Variants in RUVBL1 observed in about 807,000 individuals in gnomAD.
The protein encoded by RUVBL1 is ruvB-like 1.
A neutral mutation model predicts 52.4 loss-of-function variants in RUVBL1; 4 were observed. The ratio of observed to expected loss-of-function variants is 0.08; its 90% CI spans 0.04 to 0.17. RUVBL1 has a LOEUF of 0.17. RUVBL1 is among the 10% of genes least tolerant of loss of function. The pLI is 1.00. For missense variants in RUVBL1, 298 were observed against 572.8 expected (o/e 0.52, Z 4.90); for synonymous variants, 217 against 214.4 (o/e 1.01, Z -0.10).
chr3:128,131,827 G>A (rs531122438), intron 1 of RUVBL1, among the ~76,000 whole-genome samples: 10 of 152,260 alleles, frequency 6.6e-5, no homozygotes, highest in South Asian at 6.2e-4. Context: ...AGAGGGAGGC[G>A]GAGCAAGATG....
rs72986268 is a variant in RUVBL1 at position 128,113,571 on chromosome 3, G to C, written c.229-551C>G. On this transcript the variant is annotated intron_variant, in intron 2 of 10. Transcript: ENST00000322623. ...CTCCTGTTACTTTAAATCATCTCTAGATTACATACAATACCTAATATAAAT... is the reference window on the plus strand; with the variant it reads ...CTCCTGTTACTTTAAATCATCTCTACATTACATACAATACCTAATATAAAT... Among the ~76,000 whole-genome samples the C allele has an allele frequency of 8.7e-4, 133 of 152,224 alleles. 1 individual carries two copies. The highest frequency in any genetic ancestry group is 3.1e-3 in the African/African-American group (129 of 41,550).
downstream of RUVBL1, chr3:128,079,119 C>T (rs895536576): frequency 6.6e-6 from 1 of 152,346 alleles, no homozygotes; most frequent in East Asian, 1.9e-4. Flanking sequence ...AGCGCCACTT[C>T]CATCTTGCTC....
chr3:128,100,940 G>A (rs537488669), intron 5 of RUVBL1, among the ~76,000 whole-genome samples, 196 bp from the exon 6 acceptor site: 1 of 152,330 alleles, frequency 6.6e-6, no homozygotes, highest in South Asian at 2.1e-4. Context: ...CAAAAACTGG[G>A]TTGAAAAACA....
At chr3:128,147,839 C>A (rs1944127043) in intron 1 of RUVBL1, among the ~76,000 whole-genome samples, 1 of 152,178 alleles carries the variant, frequency 6.6e-6, no homozygotes, top group East Asian at 1.9e-4. Flanking sequence ...CTGGAAACAA[C>A]CCAAATGCCC....
At chr3:128,065,585 A>T (rs1941945212) in intron 9 of RUVBL1, among the ~76,000 whole-genome samples, 2 of 152,202 alleles carry the variant, frequency 1.3e-5, no homozygotes, top group Non-Finnish European at 2.9e-5. Context: ...AGGGACAGAG[A>T]TGAAAGGCAG....
At chr3:128,086,663 C>CT (rs1465035799) in intron 9 of RUVBL1, among the ~76,000 whole-genome samples, 2 of 152,230 alleles carry the variant, frequency 1.3e-5, no homozygotes, top group African/African-American at 4.8e-5. Flanking sequence ...GCATCCTGCA[C>CT]TTACAGCTCC....
chr3:128,075,550 C>T (rs1307642156), intron 9 of RUVBL1, among the ~76,000 whole-genome samples: 1 of 152,198 alleles, frequency 6.6e-6, no homozygotes, highest in Non-Finnish European at 1.5e-5. Flanking sequence ...GGACACACGC[C>T]TTCCTCCCTG....
At chr3:128,073,757 T>C (rs1297694301) in intron 9 of RUVBL1, among the ~76,000 whole-genome samples, 1 of 152,252 alleles carries the variant, frequency 6.6e-6, no homozygotes, top group Non-Finnish European at 1.5e-5. Flanking sequence ...GTCAAACCTG[T>C]GGGCCTTGTT....
intron 9 of RUVBL1, chr3:128,075,007 C>A (rs935573947): frequency 3.3e-5 from 5 of 152,190 alleles, no homozygotes; most frequent in Non-Finnish European, 5.9e-5. Flanking sequence ...GGGGGATGGG[C>A]AGTGCAGTGC....
intron 1 of RUVBL1, among the ~76,000 whole-genome samples, chr3:128,148,217 C>T (rs1344959260): frequency 6.6e-6 from 1 of 152,002 alleles, no homozygotes; most frequent in Non-Finnish European, 1.5e-5. Context: ...AGCCGTACAC[C>T]AACAAGGGTG....
rs541077038 is a variant in RUVBL1, at chr3:128,153,348, C to G, written c.-185G>C. Reference sequence around the variant, plus strand: ...GACCACCCACTCGGAGCACGGCGCTCGGCTGTGCCCGTGAGCCTCAGGAGG... The same window carrying G: ...GACCACCCACTCGGAGCACGGCGCTGGGCTGTGCCCGTGAGCCTCAGGAGG... On this transcript the variant is annotated 5_prime_UTR_variant, in exon 1 of 10. Transcript: ENST00000464873. 406 of 1,380,990 alleles carry G rather than the reference C, an allele frequency of 2.9e-4. 3 individuals carry two copies. In the East Asian group the frequency reaches 5.2e-3, roughly 18 times the overall value. The allele number at this position is 1,380,990 out of a possible 1,614,324, so 85.5% of individuals were successfully genotyped here. A position where few individuals can be genotyped will look rare whatever the true frequency, so the allele number is the denominator to read the frequency against.
At chr3:128,072,927 G>A (rs1396857216) in intron 9 of RUVBL1, among the ~76,000 whole-genome samples, 1 of 152,130 alleles carries the variant, frequency 6.6e-6, no homozygotes, top group Non-Finnish European at 1.5e-5. Flanking sequence ...GGGGGGTAAG[G>A]CTTACTCTGC....
intron 2 of RUVBL1, among the ~76,000 whole-genome samples, chr3:128,118,700 A>C (rs1165721231): frequency 2.0e-5 from 3 of 152,206 alleles, no homozygotes; most frequent in African/African-American, 7.2e-5. Flanking sequence ...CCAGCTCTGA[A>C]GGGAAAATGT....
chr3:128,096,743 T>C (rs546766821), intron 8 of RUVBL1, among the ~76,000 whole-genome samples: 26 of 151,762 alleles, frequency 1.7e-4, no homozygotes, highest in Admixed American at 1.2e-3. Flanking sequence ...AGGAGAATGG[T>C]GTGAACCCGG....
chr3:128,122,419 T>C (rs1943670772), intron 1 of RUVBL1, among the ~76,000 whole-genome samples: 1 of 152,192 alleles, frequency 6.6e-6, no homozygotes, highest in Non-Finnish European at 1.5e-5. Flanking sequence ...CTGAAAACTG[T>C]CATACTAAAG....
chr3:128,150,918 T>TTA (rs71873039), intron 1 of RUVBL1, among the ~76,000 whole-genome samples: 3 of 83,418 alleles, frequency 3.6e-5, no homozygotes, highest in Non-Finnish European at 6.3e-5. Flanking sequence ...ATATTCTATA[T>TTA]TATATATATA....
Position 128,082,806 on chromosome 3 carries a change from A to G in RUVBL1, c.1120-232T>C, listed in dbSNP as rs1576440183. Reference sequence around the variant, plus strand: ...AATAGCATCACGGCCAGTGTGCTGTATTCAACTGACTCAAGTGTGGCTGGT... The same window carrying G: ...AATAGCATCACGGCCAGTGTGCTGTGTTCAACTGACTCAAGTGTGGCTGGT... On this transcript the variant is annotated intron_variant, in intron 9 of 10. Transcript: ENST00000322623. The surrounding 1 kb of genome is among the most constrained non-coding windows in gnomAD (Gnocchi z 4.7). 6 of 418,136 alleles carry G rather than the reference A, an allele frequency of 1.4e-5. No individual in the cohort carries two copies. In the East Asian group the frequency reaches 3.0e-4, roughly 21 times the overall value. 25.9% of individuals were successfully genotyped at this position (418,136 alleles called of 1,614,324 possible).
At chr3:128,119,909 G>A (rs1310323646) in intron 1 of RUVBL1, among the ~76,000 whole-genome samples, 1 of 152,210 alleles carries the variant, frequency 6.6e-6, no homozygotes, top group Admixed American at 6.5e-5. Flanking sequence ...GAGGTAGACA[G>A]CGGCCAGAAC....
At chr3:128,065,197 A>G (rs760842474) in exon 10 of RUVBL1, 2 of 834,256 alleles carry the variant, frequency 2.4e-6, no homozygotes, top group Non-Finnish European at 2.0e-6. Context: ...GAGCTGGACA[A>G]GCATGTTCAT....
Sources: allele counts gnomAD v4.1 joint callset (sites outside exome capture counted in the v4.1 genomes callset), GRCh38; gene constraint gnomAD v4.1.1; non-coding constraint Gnocchi (gnomAD v3.1); transcripts MANE v1.5; gene names NCBI Gene and HGNC (gene_info 2026-07-23, HGNC 2026-07-21).